The following SLC14A2 variants were observed in gnomAD, a reference collection of about 807,000 sequenced individuals.
The protein encoded by SLC14A2 is urea transporter 2.
Under a neutral mutation model 104.6 loss-of-function variants are expected in SLC14A2, and 91 were observed. The ratio of observed to expected loss-of-function variants is 0.87; its 90% CI spans 0.73 to 1.04. The LOEUF is 1.04. SLC14A2 is among the 50% of genes least tolerant of loss of function. The pLI, the probability that SLC14A2 is intolerant of heterozygous loss-of-function variation, is 0.00. For missense variants in SLC14A2, 1,189 were observed against 1,156.0 expected, an observed-to-expected ratio of 1.03 and a Z score of -0.41; for synonymous variants, 476 against 466.4, an observed-to-expected ratio of 1.02 and a Z score of -0.27.
intron 2 of SLC14A2, among the ~76,000 whole-genome samples, chr18:45,563,008 T>G (rs1292249199): frequency 6.6e-6 from 1 of 152,196 alleles, no homozygotes. Context: ...TAAAAAGTGT[T>G]TGGATTTTCT....
chr18:45,616,517 G>T (rs574860773), intron 1 of SLC14A2, among the ~76,000 whole-genome samples: 1 of 152,300 alleles, frequency 6.6e-6, no homozygotes, highest in East Asian at 1.9e-4. Flanking sequence ...TTGAGCAGTG[G>T]CACGACCAAG....
chr18:45,673,209 C>T (rs879870735), intron 17 of SLC14A2, among the ~76,000 whole-genome samples, 162 bp downstream of exon 17: 5 of 152,196 alleles, frequency 3.3e-5, no homozygotes, highest in Non-Finnish European at 4.4e-5. Flanking sequence ...GCCCCTTTAT[C>T]CTCCCCTGAG....
At chr18:45,496,522 A>G (rs982119487) in intron 2 of SLC14A2, among the ~76,000 whole-genome samples, 2 of 152,156 alleles carry the variant, frequency 1.3e-5, no homozygotes, top group Admixed American at 6.5e-5. Context: ...TGTAATCCCA[A>G]CACTTTAGGA....
chr18:45,280,634 C>G, intron 1 of SLC14A2, among the ~76,000 whole-genome samples: 1 of 152,260 alleles, frequency 6.6e-6, no homozygotes, highest in East Asian at 1.9e-4. Flanking sequence ...TGGTTGAGCT[C>G]TGCTCCCTGA....
At chr18:45,267,042 C>T (rs2084599122) in intron 1 of SLC14A2, among the ~76,000 whole-genome samples, 1 of 152,152 alleles carries the variant, frequency 6.6e-6, no homozygotes, top group Admixed American at 6.5e-5. Context: ...CTGGGAGGTT[C>T]TCCAATCATA....
At chr18:45,494,900 T>TCACACACA (rs531108146) in intron 2 of SLC14A2, among the ~76,000 whole-genome samples, 3 of 96,478 alleles carry the variant, frequency 3.1e-5, no homozygotes, top group African/African-American at 1.3e-4. Context: ...AATCGGGTCA[T>TCACACACA]CACACACACA....
At chr18:45,388,575 C>A (rs1418540960) in intron 1 of SLC14A2, among the ~76,000 whole-genome samples, 3 of 152,056 alleles carry the variant, frequency 2.0e-5, no homozygotes, top group African/African-American at 7.2e-5. Flanking sequence ...ATTGCGAATA[C>A]CTGGGGTTGA....
intron 18 of SLC14A2, among the ~76,000 whole-genome samples, chr18:45,676,017 T>C (rs999149378): frequency 2.6e-5 from 4 of 152,154 alleles, no homozygotes; most frequent in African/African-American, 9.7e-5. Context: ...TTTAACTTCT[T>C]AATAGGCCAG....
intron 1 of SLC14A2, among the ~76,000 whole-genome samples, chr18:45,286,286 A>C (rs1599644153): frequency 2.0e-5 from 3 of 152,272 alleles, no homozygotes; most frequent in South Asian, 2.1e-4. Context: ...GCCTTGATTC[A>C]ATCCTCAGAG....
chr18:45,452,670 T>C (rs967731017), intron 1 of SLC14A2, among the ~76,000 whole-genome samples: 6 of 152,238 alleles, frequency 3.9e-5, no homozygotes, highest in Admixed American at 1.3e-4. Context: ...CTCACAAAAA[T>C]GCTTCTTTGT....
At chr18:45,488,850 C>T (rs561839712) in intron 2 of SLC14A2, among the ~76,000 whole-genome samples, 5 of 152,338 alleles carry the variant, frequency 3.3e-5, no homozygotes, top group South Asian at 4.1e-4. Context: ...TTAGTCCCCA[C>T]GTTCTCACTC....
In SLC14A2 at chr18:45,339,579, C is replaced by T. The variant is rs899478676; in HGVS notation, c.-125+126388C>T. The stretch of plus-strand genomic sequence containing the variant: ...ACACACACACACACAAACACACACA[C>T]ACACACATTCATTATGCTATCTGCA... On this transcript the variant is annotated intron_variant, in intron 1 of 20. Coordinates refer to the SLC14A2 transcript ENST00000586448. 4.3e-4 allele frequency among the ~76,000 whole-genome samples: 65 copies of T among 152,190 alleles called. 1 individual carries two copies. Among genetic ancestry groups the T allele is most frequent in the Admixed American group, 4.2e-3 (64 of 15,286 alleles).
At chr18:45,184,893 A>G in the SLC14A2 span, among the ~76,000 whole-genome samples, 1 of 152,180 alleles carries the variant, frequency 6.6e-6, no homozygotes, top group Non-Finnish European at 1.5e-5. Context: ...GGTTGGCTTT[A>G]TCCCTCAACA....
intron 10 of SLC14A2, among the ~76,000 whole-genome samples, chr18:45,655,283 G>A (rs553034645): frequency 1.6e-4 from 24 of 152,322 alleles, no homozygotes; most frequent in African/African-American, 5.8e-4. Flanking sequence ...AGAATGGACA[G>A]CCTTGTAAAG....
At chr18:45,570,813 A>G (rs1000069475) in intron 2 of SLC14A2, among the ~76,000 whole-genome samples, 5 of 152,242 alleles carry the variant, frequency 3.3e-5, no homozygotes, top group African/African-American at 1.2e-4. Flanking sequence ...TTCTACTTTC[A>G]ACAAACTCAG....
rs372378157 is a variant in SLC14A2 at position 45,246,229 on chromosome 18, C to A, written c.-125+33038C>A. On this transcript the variant is annotated intron_variant, in intron 1 of 20. Coordinates refer to the SLC14A2 transcript ENST00000586448. ...TGAGAACACAATGAGAAGGTGCTGT[C>A]TGCAAGCCAAGAAGGGAGGCCTCGG... Among the ~76,000 whole-genome samples, 3 of 152,152 alleles carry A rather than the reference C, an allele frequency of 2.0e-5. No individual in the cohort carries two copies. The East Asian group carries it at 5.8e-4, about 29-fold the overall frequency.
At chr18:45,351,952 T>C (rs1325675578) in intron 1 of SLC14A2, among the ~76,000 whole-genome samples, 2 of 152,098 alleles carry the variant, frequency 1.3e-5, no homozygotes, top group African/African-American at 4.8e-5. Flanking sequence ...GCTCAAGTCA[T>C]AGGACCATCA....
At chr18:45,631,330 C>A (rs1238052569) in intron 4 of SLC14A2, among the ~76,000 whole-genome samples, 2 of 152,248 alleles carry the variant, frequency 1.3e-5, no homozygotes, top group African/African-American at 4.8e-5. Context: ...TTGGCAGGGG[C>A]CTTGCATCAC....
At chr18:45,426,836 G>C (rs1451820770) in intron 1 of SLC14A2, among the ~76,000 whole-genome samples, 1 of 151,992 alleles carries the variant, frequency 6.6e-6, no homozygotes, top group Non-Finnish European at 1.5e-5. Flanking sequence ...CTGGGAACCT[G>C]CATTGGTCAT....
Sources: gnomAD v4.1 joint callset for allele counts (sites outside exome capture counted in the v4.1 genomes callset) on GRCh38, gnomAD v4.1.1 for gene constraint, MANE v1.5 for transcripts, NCBI Gene and HGNC (gene_info 2026-07-23, HGNC 2026-07-21) for gene names.